Variants in WDFY4 observed in about 807,000 individuals in gnomAD.
WDFY4 encodes WD repeat- and FYVE domain-containing protein 4.
In WDFY4, 169 loss-of-function variants were observed where a neutral mutation model predicts 351.9. The observed-to-expected ratio is 0.48, with a 90% CI of 0.42 to 0.55. WDFY4 has a LOEUF of 0.55. Ranked by LOEUF, WDFY4 falls within the 20% of genes least tolerant of loss-of-function variation. The probability of loss-of-function intolerance (pLI) is 0.00; values close to 1 mark genes in which losing one functional copy is unlikely to be tolerated. For missense variants in WDFY4, 3,803 were observed against 3,935.6 expected (o/e 0.97, Z 0.90); for synonymous variants, 1,622 against 1,574.6 (o/e 1.03, Z -0.71).
At chr10:48,953,164 T>C (rs1004838347) in intron 51 of WDFY4, among the ~76,000 whole-genome samples, 2 of 151,868 alleles carry the variant, frequency 1.3e-5, no homozygotes, top group Non-Finnish European at 2.9e-5. Flanking sequence ...CTGGTTGCCT[T>C]CCCCATGCAC....
chr10:48,870,277 C>T (rs1411371141), intron 40 of WDFY4, among the ~76,000 whole-genome samples: 4 of 152,142 alleles, frequency 2.6e-5, no homozygotes, highest in Non-Finnish European at 2.9e-5. Flanking sequence ...TGGCTCATGC[C>T]TCTAATCCCA....
chr10:48,704,655 G>A (rs1338904674), intron 1 of WDFY4, among the ~76,000 whole-genome samples: 1 of 152,178 alleles, frequency 6.6e-6, no homozygotes, highest in Non-Finnish European at 1.5e-5. Context: ...CAGCCACAGT[G>A]TGAGCCCAGC....
chr10:48,697,024 C>T (rs1178976202), intron 1 of WDFY4, among the ~76,000 whole-genome samples: 1 of 152,148 alleles, frequency 6.6e-6, no homozygotes, highest in East Asian at 1.9e-4. Flanking sequence ...CCTTGGAGCT[C>T]AGGAGGGGTC....
At chr10:48,863,312 A>C (rs1166611559) in intron 39 of WDFY4, among the ~76,000 whole-genome samples, 1 of 152,228 alleles carries the variant, frequency 6.6e-6, no homozygotes, top group Non-Finnish European at 1.5e-5. Flanking sequence ...TCCCACCAAC[A>C]GTGTATGAGA....
intron 56 of WDFY4, among the ~76,000 whole-genome samples, chr10:48,969,774 T>C (rs1842256890): frequency 6.6e-6 from 1 of 151,320 alleles, no homozygotes; most frequent in Non-Finnish European, 1.5e-5. Context: ...ATGAATTCCC[T>C]ATCCCCCAAG....
chr10:48,938,715 T>G (rs1275514945), intron 47 of WDFY4, among the ~76,000 whole-genome samples: 1 of 152,126 alleles, frequency 6.6e-6, no homozygotes. Context: ...GAAGCTCGTC[T>G]GGGGGGGTAA....
At chr10:48,828,514 CAG>C (rs2068078910) in intron 36 of WDFY4, among the ~76,000 whole-genome samples, 1 of 152,084 alleles carries the variant, frequency 6.6e-6, no homozygotes, top group Non-Finnish European at 1.5e-5. Flanking sequence ...GGAGTGGGCA[CAG>C]GGGGACTGCT....
At chr10:48,838,383 A>G (rs1354383786) in intron 39 of WDFY4, among the ~76,000 whole-genome samples, 1 of 152,192 alleles carries the variant, frequency 6.6e-6, no homozygotes, top group Non-Finnish European at 1.5e-5. Flanking sequence ...TTCCCTGACC[A>G]GGTGCCAGAC....
intron 50 of WDFY4, 79 bp downstream of exon 50, chr10:48,946,236 T>C: frequency 8.9e-7 from 1 of 1,123,612 alleles, no homozygotes; most frequent in Non-Finnish European, 1.3e-6. Flanking sequence ...ACAATTAAGG[T>C]GGTCACCTAG....
At chr10:48,918,795 T>C (rs1838783097) in intron 47 of WDFY4, among the ~76,000 whole-genome samples, 1 of 152,210 alleles carries the variant, frequency 6.6e-6, no homozygotes, top group African/African-American at 2.4e-5. Context: ...GCCTTGTACA[T>C]TGTAGAATGT....
chr10:48,916,649 G>A (rs1457095043), intron 47 of WDFY4, among the ~76,000 whole-genome samples: 1 of 152,160 alleles, frequency 6.6e-6, no homozygotes, highest in African/African-American at 2.4e-5. Context: ...GATGCTCCTG[G>A]GAGCCACAGA....
chr10:48,759,542 GGCT>G (rs992630072), intron 12 of WDFY4, among the ~76,000 whole-genome samples: 1 of 152,196 alleles, frequency 6.6e-6, no homozygotes, highest in African/African-American at 2.4e-5. Flanking sequence ...GAGTCTGCCT[GGCT>G]GCTGCTGCTG....
chr10:48,787,041 A>T (rs891329902), intron 20 of WDFY4, among the ~76,000 whole-genome samples, 171 bp downstream of exon 20: 3 of 152,260 alleles, frequency 2.0e-5, no homozygotes, highest in Non-Finnish European at 4.4e-5. Context: ...AATGTCACAG[A>T]AAAGGAAATG....
chr10:48,774,735 G>T (rs1452927817), intron 14 of WDFY4, 63 bp downstream of exon 14: 3 of 1,532,064 alleles, frequency 2.0e-6, no homozygotes, highest in Non-Finnish European at 1.8e-6. Context: ...CAGGGCAGGG[G>T]TTGCACAATG....
intron 61 of WDFY4, 99 bp downstream of exon 61, chr10:48,981,577 A>T: frequency 9.0e-7 from 1 of 1,115,158 alleles, no homozygotes; most frequent in Non-Finnish European, 1.3e-6. Flanking sequence ...CTGGCCGAGG[A>T]GGCCACTTCA....
intron 34 of WDFY4, among the ~76,000 whole-genome samples, chr10:48,821,776 C>T (rs1276505272): frequency 6.6e-6 from 1 of 152,182 alleles, no homozygotes; most frequent in Non-Finnish European, 1.5e-5. Context: ...CTTCATGATC[C>T]TTCTCATGGA....
intron 54 of WDFY4, among the ~76,000 whole-genome samples, chr10:48,965,164 C>T (rs897312809): frequency 2.0e-5 from 3 of 152,146 alleles, no homozygotes; most frequent in African/African-American, 7.2e-5. Flanking sequence ...TAGCCACTAC[C>T]ATCCAGCCAT....
chr10:48,782,935 G>C (rs962442887), intron 19 of WDFY4, among the ~76,000 whole-genome samples: 3 of 152,158 alleles, frequency 2.0e-5, no homozygotes. Context: ...GGGGTGAGTG[G>C]TGCTTCAGTG....
At chr10:48,720,220 G>C in intron 3 of WDFY4, 95 bp downstream of exon 3, 1 of 1,266,232 alleles carries the variant, frequency 7.9e-7, no homozygotes, top group Non-Finnish European at 1.1e-6. Flanking sequence ...GCTTTCGCGT[G>C]GAGCTACAGT....
Sources: allele counts gnomAD v4.1 joint callset (sites outside exome capture counted in the v4.1 genomes callset), GRCh38; gene constraint gnomAD v4.1.1; transcripts MANE v1.5; gene names NCBI Gene and HGNC (gene_info 2026-07-23, HGNC 2026-07-21).